ANXA7: variants seen among roughly 807,000 people sequenced by gnomAD.
ANXA7 encodes the protein annexin A7.
Under a neutral mutation model 64.9 loss-of-function variants are expected in ANXA7, and 55 were observed. The observed-to-expected ratio is 0.85, with a 90% CI of 0.68 to 1.06. ANXA7 has a LOEUF of 1.06. ANXA7 is among the 50% of genes least tolerant of loss of function. The pLI is 0.00. For synonymous variants in ANXA7, 200 were observed against 192.4 expected, an observed-to-expected ratio of 1.04 and a Z score of -0.33; for missense variants, 548 against 582.1, an observed-to-expected ratio of 0.94 and a Z score of 0.60.
chr10:73,408,474 C>A (rs2055792232), intron 1 of ANXA7: 1 of 151,972 alleles, frequency 6.6e-6, no homozygotes, highest in African/African-American at 2.4e-5. Flanking sequence ...CCAAAGACAT[C>A]ATAAGCAATT....
chr10:73,410,121 A>C (rs116750982), intron 1 of ANXA7, among the ~76,000 whole-genome samples: 3,212 of 152,258 alleles, frequency 0.021, 106 homozygotes, highest in African/African-American at 0.071. Context: ...CTAAGACCCC[A>C]AAAACAAACG....
intron 5 of ANXA7, among the ~76,000 whole-genome samples, chr10:73,390,720 A>ATAT (rs1491310073): frequency 1.8e-4 from 20 of 112,624 alleles, no homozygotes; most frequent in African/African-American, 8.4e-4. Flanking sequence ...ATATATATAT[A>ATAT]AAAATATATA....
chr10:73,400,361 T>C (rs1435544063), intron 2 of ANXA7, among the ~76,000 whole-genome samples: 3 of 152,148 alleles, frequency 2.0e-5, no homozygotes, highest in Non-Finnish European at 4.4e-5. Context: ...AAGGTTAAGA[T>C]GCAGTGATAT....
chr10:73,379,263 A>G (rs952420751), intron 11 of ANXA7, among the ~76,000 whole-genome samples: 3 of 152,188 alleles, frequency 2.0e-5, no homozygotes, highest in Non-Finnish European at 4.4e-5. Context: ...TCCCAGACTC[A>G]GGTGATCCTC....
Position 73,375,920 on chromosome 10 carries a change from A to C in ANXA7, c.*175T>G. On this transcript the variant is annotated 3_prime_UTR_variant, in exon 13 of 13. Transcript: ENST00000372921. ...TTGATTGTATGTAGAGAACAAAATAAAATTAGAATTAAGGCAATAACAACA... is the reference window on the plus strand; with the variant it reads ...TTGATTGTATGTAGAGAACAAAATACAATTAGAATTAAGGCAATAACAACA... 2.2e-6 allele frequency: 1 copy of C among 449,654 alleles called. No individual in the cohort carries two copies. The highest frequency in any genetic ancestry group is 3.8e-6 in the Non-Finnish European group (1 of 261,242). The allele number at this position is 449,654 out of a possible 1,614,324, so 27.9% of individuals were successfully genotyped here. A position where few individuals can be genotyped will look rare whatever the true frequency, so the allele number is the denominator to read the frequency against.
chr10:73,395,787 A>C lies in ANXA7; in HGVS notation c.435+732T>G, dbSNP rs557146463. The C allele has an allele frequency of 2.3e-3, 293 of 126,286 alleles. 3 individuals carry two copies. The highest frequency in any genetic ancestry group is 0.021 in the Admixed American group (271 of 12,892). The allele number at this position is 126,286 out of a possible 1,614,324, so 7.8% of individuals were successfully genotyped here. The stretch of plus-strand genomic sequence containing the variant: ...GGTGCCAACAGTGAAACTCCATCTC[A>C]AAAAAAAAAAAAAAGAAGCCATACG... On this transcript the variant is annotated intron_variant, in intron 5 of 12. Coordinates refer to ENST00000372921, the MANE Select transcript of ANXA7 (RefSeq NM_001156.5).
chr10:73,410,885 T>C (rs1051434846), intron 1 of ANXA7, among the ~76,000 whole-genome samples: 1 of 151,536 alleles, frequency 6.6e-6, no homozygotes, highest in African/African-American at 2.4e-5. Context: ...GAAAACAGTA[T>C]GGAGACTCCT....
intron 3 of ANXA7, 110 bp from the exon 4 acceptor site, chr10:73,397,384 A>G (rs2055593396): frequency 2.1e-6 from 1 of 482,804 alleles, no homozygotes. Flanking sequence ...TTAATGCTAT[A>G]ATAGCAGTCC....
chr10:73,400,739 G>A, intron 2 of ANXA7, 64 bp downstream of exon 2: 3 of 1,337,510 alleles, frequency 2.2e-6, no homozygotes, highest in Non-Finnish European at 3.1e-6. Context: ...TGTAAGATCT[G>A]ACATGGGCCA....
chr10:73,410,782 A>C (rs1397260505), intron 1 of ANXA7, among the ~76,000 whole-genome samples: 1 of 120,822 alleles, frequency 8.3e-6, no homozygotes, highest in Admixed American at 7.6e-5. Context: ...ACTCCATCTC[A>C]AAAAAAAAAA....
rs1221678567 is a variant in ANXA7 at position 73,400,827 on chromosome 10, G to A, written c.30C>T (p.Gly10=). 6.2e-7 allele frequency: 1 copy of A among 1,605,624 alleles called. No homozygotes were observed. The highest frequency in any genetic ancestry group is 8.5e-7 in the Non-Finnish European group (1 of 1,175,420). Residue 10 remains glycine, a synonymous_variant, in exon 2 of 13, where the codon GGC becomes GGT. Transcript: ENST00000372921. MSYPGYPPT[G]YPPFPGYPPA... is the part of the protein sequence containing the mutation. ...CAGGATATCCAGGGAAAGGTGGGTA[G>A]CCTGTTGGGGGATAGCCTGGGTATG...
At position 73,376,730 on chromosome 10, in the gene ANXA7, A is replaced by G. The variant is rs188906325; in HGVS notation, c.1279-513T>C. 1.9e-3 allele frequency among the ~76,000 whole-genome samples: 288 copies of G among 152,348 alleles called. 2 individuals are homozygous for G. Among genetic ancestry groups the G allele is most frequent in the African/African-American group, 6.5e-3 (272 of 41,592 alleles). On this transcript the variant is annotated intron_variant, in intron 12 of 12. Coordinates refer to ENST00000372921, the MANE Select transcript of ANXA7 (RefSeq NM_001156.5). The stretch of plus-strand genomic sequence containing the variant: ...CAGATATTTGTACATCCATGTTCAT[A>G]GCAGCATTATTCAGGCAGAAACAAA...
At chr10:73,409,492 C>CTG (rs2132704785) in intron 1 of ANXA7, among the ~76,000 whole-genome samples, 1 of 152,228 alleles carries the variant, frequency 6.6e-6, no homozygotes, top group South Asian at 2.1e-4. Context: ...ACAAGGAGAA[C>CTG]TACAAAATAC....
chr10:73,410,672 C>T (rs1471449530), intron 1 of ANXA7, among the ~76,000 whole-genome samples: 4 of 151,274 alleles, frequency 2.6e-5, no homozygotes, highest in Middle Eastern at 3.4e-3. Flanking sequence ...ATCCCAGCTA[C>T]TTGGGAGGCT....
chr10:73,404,997 C>T (rs1270424538), intron 1 of ANXA7, among the ~76,000 whole-genome samples: 1 of 151,496 alleles, frequency 6.6e-6, no homozygotes, highest in Non-Finnish European at 1.5e-5. Context: ...GCCTGTAATC[C>T]CAACACTTTG....
chr10:73,377,904 CGTGTGTGT>C (rs141696096), intron 12 of ANXA7, among the ~76,000 whole-genome samples: 11 of 119,326 alleles, frequency 9.2e-5, no homozygotes, highest in South Asian at 3.2e-4. Flanking sequence ...CACGCCCCGG[CGTGTGTGT>C]GTGTGTGTGT....
chr10:73,387,768 G>T lies in ANXA7; in HGVS notation c.554C>A (p.Ala185Glu). 8 of 1,611,874 alleles carry T rather than the reference G, an allele frequency of 5.0e-6. No individual in the cohort carries two copies. The highest frequency in any genetic ancestry group is 6.8e-6 in the Non-Finnish European group (8 of 1,179,706). Residue 185 changes from alanine (A) to glutamate (E), a missense_variant, in exon 7 of 13, where the codon GCA (alanine) becomes GAA (glutamate). Transcript: ENST00000372921. Reference sequence around the variant, plus strand: ...ACGGTTGGCCACCACATCCACAATTGCCTGCTCATCTGTCCCTGGAAGAAC... The same window carrying T: ...ACGGTTGGCCACCACATCCACAATTTCCTGCTCATCTGTCCCTGGAAGAAC... ...AMKGFGTDEQAIVDVVANRSN... is the reference protein window; with the variant it reads ...AMKGFGTDEQEIVDVVANRSN...
intron 1 of ANXA7, among the ~76,000 whole-genome samples, chr10:73,403,123 CAT>C (rs2055698607): frequency 6.6e-6 from 1 of 152,200 alleles, no homozygotes. Context: ...GCTCCCGGCA[CAT>C]ACTCTGTTTC....
At chr10:73,392,537 C>T (rs2055502282) in intron 5 of ANXA7, among the ~76,000 whole-genome samples, 1 of 152,186 alleles carries the variant, frequency 6.6e-6, no homozygotes, top group African/African-American at 2.4e-5. Flanking sequence ...GGATGCAAGG[C>T]TGGTTCAACA....
Sources: gnomAD v4.1 joint callset for allele counts (sites outside exome capture counted in the v4.1 genomes callset) on GRCh38, gnomAD v4.1.1 for gene constraint, MANE v1.5 for transcripts, NCBI Gene and HGNC (gene_info 2026-07-23, HGNC 2026-07-21) for gene names.